NCKAP5L: variants seen among roughly 807,000 people sequenced by gnomAD.
NCKAP5L encodes the protein nck-associated protein 5-like.
Under a neutral mutation model 103.2 loss-of-function variants are expected in NCKAP5L, and 54 were observed. The ratio of observed to expected loss-of-function variants is 0.52; its 90% CI spans 0.42 to 0.66. The LOEUF (loss-of-function observed/expected upper bound fraction) is 0.66, where lower values mean the gene tolerates loss of function less well. Ranked by LOEUF, NCKAP5L falls within the 30% of genes least tolerant of loss-of-function variation. NCKAP5L has a pLI of 0.00. For synonymous variants in NCKAP5L, 762 were observed against 748.6 expected (o/e 1.02, Z -0.29); for missense variants, 1,733 against 1,750.6 (o/e 0.99, Z 0.18).
chr12:49,802,045 G>C, intron 5 of NCKAP5L, 78 bp from the exon 6 acceptor site: 1 of 1,554,196 alleles, frequency 6.4e-7, no homozygotes, highest in South Asian at 1.1e-5. Flanking sequence ...CATCAGAGCA[G>C]CGGCATCTGT....
chr12:49,792,172 A>C lies in NCKAP5L; in HGVS notation c.3793-121T>G. ...GGGGGGCTGCTCCAGAGGGGGCCCAAGGTGGGGTATACTTCAGAGGAAACA... is the reference window on the plus strand; with the variant it reads ...GGGGGGCTGCTCCAGAGGGGGCCCACGGTGGGGTATACTTCAGAGGAAACA... On this transcript the variant is annotated intron_variant, in intron 12 of 12. Transcript: ENST00000335999. This position sits in a 1 kb window ranked among gnomAD's most constrained non-coding sequence, Gnocchi z 4.5. The C allele has an allele frequency of 1.9e-6, 2 of 1,056,502 alleles. No homozygotes were observed. The highest frequency in any genetic ancestry group is 2.7e-6 in the Non-Finnish European group (2 of 731,934). The allele number at this position is 1,056,502 out of a possible 1,614,324, so 65.4% of individuals were successfully genotyped here.
chr12:49,810,287 CAA>C lies in NCKAP5L; in HGVS notation c.-98-4248_-98-4247del, dbSNP rs1034726276. 7.2e-5 allele frequency among the ~76,000 whole-genome samples: 11 copies of C among 152,338 alleles called. No individual in the cohort carries two copies. The South Asian group carries it at 8.3e-4, about 11-fold the overall frequency. Reference sequence around the variant, plus strand: ...AGCCAAGTGGCCCAGGCCCCACTCCCAAAAGTCCAGCCCAGGCCGTCCTAGCC... The same window carrying C: ...AGCCAAGTGGCCCAGGCCCCACTCCCAAGTCCAGCCCAGGCCGTCCTAGCC... On this transcript the variant is annotated intron_variant, in intron 1 of 12. Coordinates refer to ENST00000335999, the MANE Select transcript of NCKAP5L (RefSeq NM_001037806.4).
chr12:49,820,248 G>A (rs1946346009), intron 1 of NCKAP5L, among the ~76,000 whole-genome samples: 1 of 152,024 alleles, frequency 6.6e-6, no homozygotes, highest in Admixed American at 6.5e-5. Context: ...ACCTGCACGG[G>A]GAGGAGTGCT....
In NCKAP5L at chr12:49,793,745, G is replaced by A. The variant is rs267603496; in HGVS notation, c.3247C>T (p.Pro1083Ser). The A allele has an allele frequency of 6.4e-7, 1 of 1,560,226 alleles. No homozygotes were observed. The highest frequency in any genetic ancestry group is 2.3e-5 in the East Asian group (1 of 44,038). The part of the protein sequence containing the change: ...LVGPLQGCGK[P>S]PGKPSSEPGR... Reference sequence around the variant, plus strand: ...CCCCAAGAACTTACCTTTCCAGGAGGTTTTCCGCAGCCCTGAAGAGGGCCC... The same window carrying A: ...CCCCAAGAACTTACCTTTCCAGGAGATTTTCCGCAGCCCTGAAGAGGGCCC... Residue 1083 changes from proline to serine, a missense_variant, in exon 9 of 13, where the codon CCT becomes TCT. Coordinates refer to ENST00000335999, the MANE Select transcript of NCKAP5L (RefSeq NM_001037806.4).
intron 1 of NCKAP5L, among the ~76,000 whole-genome samples, chr12:49,807,160 C>T (rs1295546661): frequency 2.0e-5 from 3 of 152,234 alleles, no homozygotes; most frequent in African/African-American, 7.2e-5. Context: ...CCAGCCTTGC[C>T]TTCCCTCTTC....
At position 49,801,978 on chromosome 12, in the gene NCKAP5L, C is replaced by A. The variant is rs1309744557; in HGVS notation, c.232-11G>T. 4 of 1,613,352 alleles carry A rather than the reference C, an allele frequency of 2.5e-6. No homozygotes were observed. In the South Asian group the frequency reaches 3.3e-5, roughly 13 times the overall value. ...CTCCTCTCGCAGGTCCTGCCGCCCA[C>A]CCCGGGAAGTGCAGGAAGAAGAGGT... On this transcript the variant is annotated splice_polypyrimidine_tract_variant and intron_variant, in intron 5 of 12. Transcript: ENST00000335999.
At chr12:49,817,208 T>A (rs1204894026) in intron 1 of NCKAP5L, among the ~76,000 whole-genome samples, 1 of 152,168 alleles carries the variant, frequency 6.6e-6, no homozygotes, top group African/African-American at 2.4e-5. Context: ...TAATATTTTT[T>A]AAATGTCCAT....
At chr12:49,827,539 C>T (rs1946432142) in intron 1 of NCKAP5L, among the ~76,000 whole-genome samples, 1 of 152,224 alleles carries the variant, frequency 6.6e-6, no homozygotes, top group South Asian at 2.1e-4. Flanking sequence ...ATCCGGGCAG[C>T]CGCTTTCTTA....
At chr12:49,824,327 A>G (rs948585559) in intron 1 of NCKAP5L, among the ~76,000 whole-genome samples, 79 of 152,252 alleles carry the variant, frequency 5.2e-4, no homozygotes, top group African/African-American at 1.8e-3. Flanking sequence ...GGCACAGTCC[A>G]TGAAGTGGGA....
intron 5 of NCKAP5L, chr12:49,802,289 G>A (rs540263733): frequency 5.4e-4 from 122 of 224,020 alleles, no homozygotes; most frequent in African/African-American, 2.3e-3. Flanking sequence ...TCACTTTGTC[G>A]CCAGGCTGGA....
intron 1 of NCKAP5L, among the ~76,000 whole-genome samples, 177 bp downstream of exon 1, chr12:49,828,145 T>TGGAGGGA (rs375830169): frequency 0.018 from 2,601 of 144,420 alleles, 72 homozygotes; most frequent in East Asian, 0.12. Context: ...AGGGTGCGGC[T>TGGAGGGA]GGAGGGAGGG....
intron 10 of NCKAP5L, 74 bp downstream of exon 10, chr12:49,793,278 G>A (rs1036976083): frequency 5.5e-6 from 8 of 1,443,558 alleles, no homozygotes; most frequent in East Asian, 4.6e-5. Flanking sequence ...CTGCGGGGAC[G>A]GGAAGAAGTA....
At chr12:49,806,593 C>T (rs1025560005) in intron 1 of NCKAP5L, among the ~76,000 whole-genome samples, 7 of 152,204 alleles carry the variant, frequency 4.6e-5, no homozygotes, top group Admixed American at 3.9e-4. Context: ...CACCCGCCTG[C>T]GGGAGGAGGC....
chr12:49,820,483 A>T (rs913551777), intron 1 of NCKAP5L, among the ~76,000 whole-genome samples: 28 of 151,962 alleles, frequency 1.8e-4, no homozygotes, highest in African/African-American at 6.5e-4. Flanking sequence ...TGCCTGGCTA[A>T]TTTTTGTATT....
Position 49,796,496 on chromosome 12 carries a change from C to T in NCKAP5L, c.1364G>A (p.Gly455Asp). The change falls in exon 8 of 13, where the codon GGT (glycine) becomes GAT (aspartate). Residue 455 changes from glycine (G) to aspartate (D), a missense_variant. Coordinates refer to ENST00000335999, the MANE Select transcript of NCKAP5L (RefSeq NM_001037806.4). Reference protein sequence around the residue: ...QGPLLPSPARGLKFLKLPPTS... With the variant: ...QGPLLPSPARDLKFLKLPPTS... ...TGGAGGCAGCTTTAGAAACTTGAGACCCCTAGCTGGAGAGGGCAGAAGGGG... is the reference window on the plus strand; with the variant it reads ...TGGAGGCAGCTTTAGAAACTTGAGATCCCTAGCTGGAGAGGGCAGAAGGGG... 6.5e-7 allele frequency: 1 copy of T among 1,541,358 alleles called. No homozygotes were observed. Among genetic ancestry groups the T allele is most frequent in the Non-Finnish European group, 8.7e-7 (1 of 1,146,072 alleles).
intron 1 of NCKAP5L, among the ~76,000 whole-genome samples, chr12:49,812,019 C>T (rs903967803): frequency 6.6e-6 from 1 of 152,184 alleles, no homozygotes; most frequent in African/African-American, 2.4e-5. Context: ...GTGACCACTT[C>T]CTCCTGGACT....
chr12:49,795,534 C>T lies in NCKAP5L; in HGVS notation c.2326G>A (p.Glu776Lys). 2 of 1,533,880 alleles carry T rather than the reference C, an allele frequency of 1.3e-6. No individual in the cohort carries two copies. The highest frequency in any genetic ancestry group is 1.7e-6 in the Non-Finnish European group (2 of 1,144,642). Residue 776 changes from glutamate (E) to lysine (K), a missense_variant, in exon 8 of 13, where the codon GAG becomes AAG. Transcript: ENST00000335999. ...VSPRSCLTKVELAKSRLAGAL... is the reference protein window; with the variant it reads ...VSPRSCLTKVKLAKSRLAGAL... ...CCTGCCAGCCGGCTCTTGGCCAGCT[C>T]CACTTTGGTGAGGCAGCTCCTTGGT...
intron 1 of NCKAP5L, among the ~76,000 whole-genome samples, chr12:49,820,600 C>T (rs1020681199): frequency 1.3e-5 from 2 of 152,216 alleles, no homozygotes; most frequent in Admixed American, 6.5e-5. Flanking sequence ...CAGGCGTGAG[C>T]CACTGCACCC....
chr12:49,827,819 C>G (rs1349732388), intron 1 of NCKAP5L, among the ~76,000 whole-genome samples: 1 of 152,230 alleles, frequency 6.6e-6, no homozygotes, highest in Non-Finnish European at 1.5e-5. Context: ...CCTACCGCCC[C>G]AGGCCACGGG....
Sources: gnomAD v4.1 joint callset for allele counts (sites outside exome capture counted in the v4.1 genomes callset) on GRCh38, gnomAD v4.1.1 for gene constraint, Gnocchi (gnomAD v3.1) non-coding constraint, MANE v1.5 for transcripts, NCBI Gene and HGNC (gene_info 2026-07-23, HGNC 2026-07-21) for gene names.